KATNIP: variants seen among roughly 807,000 people sequenced by gnomAD.
KATNIP encodes katanin-interacting protein.
In KATNIP, 126 loss-of-function variants were observed where a neutral mutation model predicts 174.0. The ratio of observed to expected loss-of-function variants is 0.72; its 90% CI spans 0.63 to 0.84. KATNIP has a LOEUF of 0.84. Among genes scored for constraint, KATNIP ranks in the 40% least tolerant of loss-of-function variants. KATNIP has a pLI of 0.00. For synonymous variants in KATNIP, 810 were observed against 835.7 expected, an observed-to-expected ratio of 0.97 and a Z score of 0.53; for missense variants, 1,958 against 2,109.7, an observed-to-expected ratio of 0.93 and a Z score of 1.41.
chr16:27,558,852 A>AC (rs1411225301), intron 1 of KATNIP, among the ~76,000 whole-genome samples: 1 of 151,040 alleles, frequency 6.6e-6, no homozygotes, highest in Non-Finnish European at 1.5e-5. Context: ...TTTATACCAC[A>AC]CACCTAGTAG....
intron 5 of KATNIP, among the ~76,000 whole-genome samples, chr16:27,634,114 A>C (rs2076568349): frequency 6.6e-6 from 1 of 152,208 alleles, no homozygotes; most frequent in Non-Finnish European, 1.5e-5. Context: ...ATTGTGGCTT[A>C]ATAGCTGGCC....
At chr16:27,747,100 G>A (rs1168152308) in intron 15 of KATNIP, among the ~76,000 whole-genome samples, 1 of 152,212 alleles carries the variant, frequency 6.6e-6, no homozygotes, top group Non-Finnish European at 1.5e-5. Context: ...AGGAAGGATG[G>A]CAGTGTCAGG....
Position 27,775,051 on chromosome 16 carries a change from G to A in KATNIP, c.4416G>A (p.Arg1472=). ...AAGTGAACGACACCAGTGATGGCCG[G>A]CACATGTGGCTGGCTCCCATCCTGC... ...IDQVNDTSDG[R]HMWLAPILPG... is the part of the protein sequence containing the mutation. The change falls in exon 24 of 28, where the codon CGG becomes CGA. Residue 1472 remains arginine, a synonymous_variant. Coordinates refer to ENST00000261588, the MANE Select transcript of KATNIP (RefSeq NM_015202.5). 1 of 1,612,832 alleles carries A rather than the reference G, an allele frequency of 6.2e-7. No individual in the cohort carries two copies. Among genetic ancestry groups the A allele is most frequent in the Non-Finnish European group, 8.5e-7 (1 of 1,179,632 alleles).
chr16:27,667,390 C>T lies in KATNIP; in HGVS notation c.541-10339C>T, dbSNP rs149173490. Among the ~76,000 whole-genome samples, 79 of 152,074 alleles carry T rather than the reference C, an allele frequency of 5.2e-4. No individual in the cohort carries two copies. In the East Asian group the frequency reaches 0.015, roughly 28 times the overall value. On this transcript the variant is annotated intron_variant, in intron 6 of 27. Transcript: ENST00000261588. ...AAATTAATCAACTAACTCTTCAGTG[C>T]TGGGTAAAAAGCCTTCATGGTCCAG... is the stretch of plus-strand genomic sequence containing the variant.
chr16:27,769,777 C>T lies in KATNIP; in HGVS notation c.3976-84C>T, dbSNP rs550530312. 3.3e-6 allele frequency: 5 copies of T among 1,516,180 alleles called. No individual in the cohort carries two copies. In the South Asian group the frequency reaches 6.0e-5, roughly 18 times the overall value. 93.9% of individuals were successfully genotyped at this position (1,516,180 alleles called of 1,614,324 possible). On this transcript the variant is annotated intron_variant, in intron 20 of 27. Transcript: ENST00000261588. The stretch of plus-strand genomic sequence containing the variant: ...AGGCTCCCCATGGTGAGCACAGCTG[C>T]CAGCAGCTCCGGTCACGTCAGCACC...
At chr16:27,670,309 GTCCATC>G (rs1401952798) in intron 6 of KATNIP, among the ~76,000 whole-genome samples, 1 of 152,144 alleles carries the variant, frequency 6.6e-6, no homozygotes, top group Non-Finnish European at 1.5e-5. Context: ...TTGCATTCTG[GTCCATC>G]TCCCTAATGT....
In KATNIP at chr16:27,648,696, G is replaced by C. The variant is rs774492549; in HGVS notation, c.501G>C (p.Val167=). The C allele has an allele frequency of 1.9e-6, 3 of 1,614,162 alleles. No homozygotes were observed. Among genetic ancestry groups the C allele is most frequent in the Non-Finnish European group, 1.7e-6 (2 of 1,180,034 alleles). Residue 167 remains valine, a synonymous_variant, in exon 6 of 28, where the codon GTG becomes GTC. Coordinates refer to ENST00000261588, the MANE Select transcript of KATNIP (RefSeq NM_015202.5). ...ATGATTTTGAGCTGTGTGGGGATGT[G>C]ACTCTCCAGGCAAACAACACTTCTG... ...YSDDFELCGD[V]TLQANNTSED...
intron 5 of KATNIP, chr16:27,643,464 A>C (rs772008641): frequency 3.3e-5 from 5 of 152,020 alleles, no homozygotes; most frequent in Admixed American, 6.6e-5. Context: ...GGTGGCGGGC[A>C]CCTGTAGTTC....
In KATNIP at chr16:27,729,756, C is replaced by T. The variant is rs530954704; in HGVS notation, c.1743+8061C>T. On this transcript the variant is annotated intron_variant, in intron 14 of 27. Transcript: ENST00000261588. ...TCCTTCTCCACTTCCTTTTTCTGTCCGCGCCAGCTCCTGGCTCACAACTTT... is the reference window on the plus strand; with the variant it reads ...TCCTTCTCCACTTCCTTTTTCTGTCTGCGCCAGCTCCTGGCTCACAACTTT... Among the ~76,000 whole-genome samples, 8 of 152,290 alleles carry T rather than the reference C, an allele frequency of 5.3e-5. No homozygotes were observed. In the East Asian group the frequency reaches 9.6e-4, roughly 18 times the overall value.
intron 8 of KATNIP, among the ~76,000 whole-genome samples, chr16:27,691,673 G>A (rs2078739805): frequency 6.6e-6 from 1 of 152,216 alleles, no homozygotes; most frequent in Non-Finnish European, 1.5e-5. Context: ...TGGTAGTGGA[G>A]CTGCAGCATT....
chr16:27,737,035 A>G (rs1443724313), intron 14 of KATNIP, among the ~76,000 whole-genome samples: 2 of 152,158 alleles, frequency 1.3e-5, no homozygotes, highest in African/African-American at 4.8e-5. Flanking sequence ...TGATGGACCC[A>G]TTTTTAAGAT....
intron 5 of KATNIP, among the ~76,000 whole-genome samples, chr16:27,642,822 G>A (rs1412822933): frequency 7.1e-6 from 1 of 140,790 alleles, no homozygotes; most frequent in Non-Finnish European, 1.5e-5. Context: ...TGCCTAGGCT[G>A]CTCTCAAAAT....
At chr16:27,593,223 A>AC (rs2075237234) in intron 2 of KATNIP, among the ~76,000 whole-genome samples, 3 of 123,826 alleles carry the variant, frequency 2.4e-5, no homozygotes, top group Non-Finnish European at 5.1e-5. Context: ...AACCCCTTAA[A>AC]CACCCACCCC....
chr16:27,699,025 G>C (rs570446681), intron 9 of KATNIP, among the ~76,000 whole-genome samples: 11 of 152,354 alleles, frequency 7.2e-5, no homozygotes, highest in Admixed American at 3.9e-4. Flanking sequence ...ATGGTGGGTA[G>C]ATCAGGGACC....
At chr16:27,690,274 C>G (rs2078668660) in intron 8 of KATNIP, among the ~76,000 whole-genome samples, 1 of 151,472 alleles carries the variant, frequency 6.6e-6, no homozygotes, top group Non-Finnish European at 1.5e-5. Context: ...CATACTCATT[C>G]CATGGCACTC....
chr16:27,702,766 T>C (rs1245262143), intron 11 of KATNIP, among the ~76,000 whole-genome samples: 1 of 152,108 alleles, frequency 6.6e-6, no homozygotes, highest in Non-Finnish European at 1.5e-5. Flanking sequence ...GAAAACTGAA[T>C]AGGCTAAAGG....
At chr16:27,575,688 G>A (rs973140255) in intron 2 of KATNIP, among the ~76,000 whole-genome samples, 5 of 152,258 alleles carry the variant, frequency 3.3e-5, no homozygotes, top group South Asian at 4.1e-4. Context: ...ACTCAGCGTC[G>A]TGTGAGTTAC....
chr16:27,725,811 C>T (rs1446688111), intron 14 of KATNIP, among the ~76,000 whole-genome samples: 3 of 152,246 alleles, frequency 2.0e-5, no homozygotes, highest in African/African-American at 7.2e-5. Context: ...CAAGTGCCGC[C>T]TCCAGCCTGG....
At position 27,631,161 on chromosome 16, in the gene KATNIP, AG is replaced by A. The variant is rs2076476655; in HGVS notation, c.408+1del. 6.4e-7 allele frequency: 1 copy of A among 1,561,784 alleles called. No homozygotes were observed. On this transcript the variant is annotated frameshift_variant and splice_region_variant, in exon 5 of 28. Coordinates refer to ENST00000261588, the MANE Select transcript of KATNIP (RefSeq NM_015202.5). LOFTEE classifies it high-confidence loss of function. Reference sequence around the variant, plus strand: ...AAAGTCCAGCGCCGAGGATGGCACCAGGTCTGGAGACTGTGGCCCCAGCCCA... The same window carrying A: ...AAAGTCCAGCGCCGAGGATGGCACCAGTCTGGAGACTGTGGCCCCAGCCCA... The part of the protein sequence containing the change: ...PSKVQRRGWH[Q>X]KSVQIRTEAG...
Sources: allele counts gnomAD v4.1 joint callset (sites outside exome capture counted in the v4.1 genomes callset), GRCh38; gene constraint gnomAD v4.1.1; transcripts MANE v1.5; gene names NCBI Gene and HGNC (gene_info 2026-07-23, HGNC 2026-07-21).